Variants in RBFOX1 observed in about 807,000 individuals in gnomAD.
RBFOX1 encodes RNA binding protein fox-1 homolog 1.
In RBFOX1, 8 loss-of-function variants were observed where a neutral mutation model predicts 57.7. That is an observed-to-expected ratio of 0.14 (90% confidence interval 0.08 to 0.25). RBFOX1 has a LOEUF of 0.25. RBFOX1 is among the 10% of genes least tolerant of loss of function. RBFOX1 has a pLI of 1.00. For synonymous variants in RBFOX1, 326 were observed against 222.4 expected (o/e 1.47, Z -4.15); for missense variants, 611 against 548.5 (o/e 1.11, Z -1.14).
At chr16:7,537,326 T>G (rs1484717602) in intron 5 of RBFOX1, among the ~76,000 whole-genome samples, 2 of 152,212 alleles carry the variant, frequency 1.3e-5, no homozygotes, top group Admixed American at 1.3e-4. Context: ...TGTGGACTTT[T>G]GTGACAATTT....
At chr16:5,454,954 C>CTTT (rs1567535876) in intron 1 of RBFOX1, among the ~76,000 whole-genome samples, 62 of 40,390 alleles carry the variant, frequency 1.5e-3, no homozygotes, top group African/African-American at 5.5e-3. Context: ...TTCCTTCCTT[C>CTTT]CTTCCTTTCT....
chr16:5,777,686 G>A (rs770889411), intron 3 of RBFOX1, among the ~76,000 whole-genome samples: 2 of 152,122 alleles, frequency 1.3e-5, no homozygotes, highest in Non-Finnish European at 2.9e-5. Context: ...ACTTAATTAA[G>A]GTAGTGATGA....
chr16:5,254,131 A>T (rs1286080353), intron 1 of RBFOX1, among the ~76,000 whole-genome samples: 3 of 152,176 alleles, frequency 2.0e-5, no homozygotes, highest in African/African-American at 7.2e-5. Flanking sequence ...CTAGAATTTG[A>T]TTAATAAAAG....
Position 6,144,684 on chromosome 16 carries a change from C to G in RBFOX1, c.-127+124692C>G, listed in dbSNP as rs78830718. Among the ~76,000 whole-genome samples the G allele has an allele frequency of 6.4e-4, 98 of 152,366 alleles. No homozygotes were observed. The East Asian group carries it at 0.017, about 27-fold the overall frequency. On this transcript the variant is annotated intron_variant, in intron 1 of 15. Transcript: ENST00000550418. Reference sequence around the variant, plus strand: ...CCGTGGAGAAGCACGATGCTGTCAGCTTTTCTCATGAGCAGGGGCCAGATA... The same window carrying G: ...CCGTGGAGAAGCACGATGCTGTCAGGTTTTCTCATGAGCAGGGGCCAGATA...
chr16:6,213,203 C>T (rs1166840285), intron 1 of RBFOX1, among the ~76,000 whole-genome samples: 5 of 151,994 alleles, frequency 3.3e-5, no homozygotes, highest in Admixed American at 2.0e-4. Flanking sequence ...TTTTTTATGA[C>T]CCAGTGTGTC....
At chr16:6,699,017 C>CA (rs1568266027) in intron 3 of RBFOX1, among the ~76,000 whole-genome samples, 1 of 152,142 alleles carries the variant, frequency 6.6e-6, no homozygotes, top group Admixed American at 6.5e-5. Flanking sequence ...TCTTGGTACA[C>CA]ATTAGGTACT....
At chr16:5,462,546 C>G (rs1212249570) in intron 1 of RBFOX1, among the ~76,000 whole-genome samples, 1 of 152,108 alleles carries the variant, frequency 6.6e-6, no homozygotes, top group African/African-American at 2.4e-5. Context: ...TCAAGTTTTA[C>G]CAGAGTATAA....
At chr16:7,683,522 T>A (rs1041202112) in intron 14 of RBFOX1, among the ~76,000 whole-genome samples, 2 of 151,950 alleles carry the variant, frequency 1.3e-5, no homozygotes, top group African/African-American at 4.8e-5. Context: ...ACCAAGGAGT[T>A]GGGGAGAGAT....
intron 2 of RBFOX1, among the ~76,000 whole-genome samples, chr16:6,350,007 T>G (rs1410171744): frequency 2.0e-5 from 3 of 152,152 alleles, no homozygotes; most frequent in Non-Finnish European, 4.4e-5. Context: ...AAAGAGACTT[T>G]TACTATTAAT....
chr16:6,737,985 A>C (rs891295975), intron 3 of RBFOX1, among the ~76,000 whole-genome samples: 3 of 152,076 alleles, frequency 2.0e-5, no homozygotes, highest in Non-Finnish European at 4.4e-5. Flanking sequence ...GTGCTAAATA[A>C]ATTCTAACTA....
chr16:6,428,346 A>G (rs994471157), intron 2 of RBFOX1, among the ~76,000 whole-genome samples: 4 of 151,722 alleles, frequency 2.6e-5, no homozygotes, highest in East Asian at 1.9e-4. Context: ...TACATTGACT[A>G]TTACCATTTT....
At chr16:7,492,015 G>C (rs957948293) in intron 4 of RBFOX1, among the ~76,000 whole-genome samples, 1 of 152,040 alleles carries the variant, frequency 6.6e-6, no homozygotes, top group Non-Finnish European at 1.5e-5. Flanking sequence ...AGCCTACTTT[G>C]TTCACATTTC....
chr16:5,536,396 G>A (rs1351783947), intron 2 of RBFOX1, among the ~76,000 whole-genome samples: 2 of 151,674 alleles, frequency 1.3e-5, no homozygotes, highest in Admixed American at 6.6e-5. Context: ...CACCATGCCC[G>A]GCTAATTTTT....
intron 3 of RBFOX1, among the ~76,000 whole-genome samples, chr16:6,742,862 T>C (rs149642405): frequency 1.4e-3 from 210 of 152,288 alleles, no homozygotes; most frequent in African/African-American, 4.7e-3. Flanking sequence ...AGGTACAGCA[T>C]GAAGGAGAAA....
chr16:7,012,674 T>C (rs957157822), intron 3 of RBFOX1, among the ~76,000 whole-genome samples: 2 of 152,240 alleles, frequency 1.3e-5, no homozygotes, highest in African/African-American at 4.8e-5. Context: ...CAATTAATTT[T>C]AAGCTGACTT....
intron 3 of RBFOX1, among the ~76,000 whole-genome samples, chr16:6,889,860 G>C (rs1567733348): frequency 1.3e-5 from 2 of 152,136 alleles, no homozygotes; most frequent in African/African-American, 4.8e-5. Context: ...TGAATCATAG[G>C]GTGGAGAAAG....
intron 3 of RBFOX1, among the ~76,000 whole-genome samples, chr16:5,726,347 G>T (rs1380388873): frequency 1.3e-5 from 2 of 152,020 alleles, no homozygotes; most frequent in Non-Finnish European, 2.9e-5. Context: ...GCTATGACCG[G>T]CCCTCTCTAA....
chr16:5,595,560 C>A (rs936844999), intron 2 of RBFOX1, among the ~76,000 whole-genome samples: 6 of 152,204 alleles, frequency 3.9e-5, no homozygotes, highest in African/African-American at 1.4e-4. Context: ...CAGATCAGAT[C>A]TTCTCTGTAC....
chr16:5,869,900 C>T (rs772387732), intron 4 of RBFOX1, among the ~76,000 whole-genome samples: 5 of 151,960 alleles, frequency 3.3e-5, no homozygotes, highest in Non-Finnish European at 5.9e-5. Context: ...TTTACCATAC[C>T]CAAACACTGG....
Sources: gnomAD v4.1 joint callset for allele counts (sites outside exome capture counted in the v4.1 genomes callset) on GRCh38, gnomAD v4.1.1 for gene constraint, MANE v1.5 for transcripts, NCBI Gene and HGNC (gene_info 2026-07-23, HGNC 2026-07-21) for gene names.